Variants in GNAI1 observed in about 807,000 individuals in gnomAD.
GNAI1 encodes guanine nucleotide-binding protein G(i) subunit alpha-1.
Under a neutral mutation model 38.9 loss-of-function variants are expected in GNAI1, and 11 were observed. The observed-to-expected ratio is 0.28, with a 90% CI of 0.18 to 0.47. GNAI1 has a LOEUF of 0.47. GNAI1 is among the 20% of genes least tolerant of loss of function. GNAI1 has a pLI of 0.99. For missense variants in GNAI1, 317 were observed against 436.9 expected (o/e 0.73, Z 2.45); for synonymous variants, 166 against 145.1 (o/e 1.14, Z -1.04).
At chr7:80,159,213 G>A (rs985525103) in intron 1 of GNAI1, among the ~76,000 whole-genome samples, 1 of 152,078 alleles carries the variant, frequency 6.6e-6, no homozygotes, top group East Asian at 1.9e-4. Flanking sequence ...TTTTTGGGGG[G>A]GCTTACTTGT....
intron 1 of GNAI1, among the ~76,000 whole-genome samples, chr7:80,156,164 A>G (rs1787815491): frequency 6.6e-6 from 1 of 151,952 alleles, no homozygotes; most frequent in Admixed American, 6.6e-5. Flanking sequence ...TAGTTTTCTG[A>G]GGCTGTGGTA....
chr7:80,156,773 CTAATTCTA>C (rs1219305087), intron 1 of GNAI1, among the ~76,000 whole-genome samples: 1 of 152,074 alleles, frequency 6.6e-6, no homozygotes, highest in Non-Finnish European at 1.5e-5. Context: ...TCATTGCTTT[CTAATTCTA>C]TAATTTTTTG....
At chr7:80,136,805 T>C (rs1787424307) in intron 1 of GNAI1, among the ~76,000 whole-genome samples, 1 of 152,212 alleles carries the variant, frequency 6.6e-6, no homozygotes, top group Admixed American at 6.5e-5. Flanking sequence ...CCATCCACCA[T>C]GTTTAAAGCA....
chr7:80,198,360 A>G (rs1788617785), intron 3 of GNAI1, among the ~76,000 whole-genome samples: 1 of 152,128 alleles, frequency 6.6e-6, no homozygotes, highest in African/African-American at 2.4e-5. Flanking sequence ...CTTTTAAAAA[A>G]TGTAGCTATT....
intron 1 of GNAI1, 186 bp downstream of exon 1, chr7:80,135,464 GC>G: frequency 2.4e-6 from 1 of 420,278 alleles, no homozygotes; most frequent in Non-Finnish European, 4.1e-6. Flanking sequence ...GTCTCTCTCC[GC>G]CCCGGCGGGC....
At chr7:80,184,085 G>C (rs1056923215) in intron 1 of GNAI1, among the ~76,000 whole-genome samples, 15 of 152,214 alleles carry the variant, frequency 9.9e-5, no homozygotes, top group Non-Finnish European at 1.3e-4. Context: ...GTGGGCGGAG[G>C]GGGAGGACTC....
chr7:80,184,849 A>ACAT (rs999143744), intron 1 of GNAI1, among the ~76,000 whole-genome samples: 2 of 152,202 alleles, frequency 1.3e-5, no homozygotes. Context: ...ACCATTGCAC[A>ACAT]CATATTCTCA....
At chr7:80,162,234 T>G (rs568002338) in intron 1 of GNAI1, among the ~76,000 whole-genome samples, 3 of 152,260 alleles carry the variant, frequency 2.0e-5, no homozygotes, top group African/African-American at 7.2e-5. Flanking sequence ...ATCTGAGACT[T>G]CTAGTTTCCA....
At chr7:80,155,223 G>A (rs1787797430) in intron 1 of GNAI1, among the ~76,000 whole-genome samples, 2 of 152,116 alleles carry the variant, frequency 1.3e-5, no homozygotes, top group South Asian at 4.1e-4. Context: ...CATGAAGGAA[G>A]ACAGAATATT....
Position 80,224,832 on chromosome 7 carries a change from A to G in GNAI1, c.*7339A>G, listed in dbSNP as rs1190720793. 6.6e-6 allele frequency among the ~76,000 whole-genome samples: 1 copy of G among 152,200 alleles called. No individual in the cohort carries two copies. The highest frequency in any genetic ancestry group is 1.5e-5 in the Non-Finnish European group (1 of 68,030). ...CACAGAATTTAAAAATTACATGTTGAACTGATTTGTGATATATTGGGTTAT... is the reference window on the plus strand; with the variant it reads ...CACAGAATTTAAAAATTACATGTTGGACTGATTTGTGATATATTGGGTTAT... On this transcript the variant is annotated 3_prime_UTR_variant, in exon 8 of 8. Coordinates refer to ENST00000649796, the MANE Select transcript of GNAI1 (RefSeq NM_002069.6).
chr7:80,176,894 G>A (rs549085072), intron 1 of GNAI1, among the ~76,000 whole-genome samples: 5 of 134,474 alleles, frequency 3.7e-5, no homozygotes, highest in South Asian at 4.9e-4. Flanking sequence ...CTGAGATCAC[G>A]CCACCGCACT....
intron 1 of GNAI1, among the ~76,000 whole-genome samples, chr7:80,164,301 A>C (rs1317646441): frequency 6.7e-6 from 1 of 150,090 alleles, no homozygotes; most frequent in East Asian, 2.0e-4. Context: ...TCGGCCTCCC[A>C]AAGTGCTGGG....
intron 1 of GNAI1, among the ~76,000 whole-genome samples, chr7:80,154,548 G>C (rs1023315088): frequency 2.0e-5 from 3 of 152,186 alleles, no homozygotes; most frequent in Non-Finnish European, 2.9e-5. Flanking sequence ...AAGTTATCTG[G>C]GGCTTCAGTT....
chr7:80,185,496 C>T (rs1243642974), intron 1 of GNAI1, among the ~76,000 whole-genome samples: 1 of 152,136 alleles, frequency 6.6e-6, no homozygotes, highest in East Asian at 1.9e-4. Context: ...TTTCCCTGTC[C>T]TATGGCTTTA....
intron 7 of GNAI1, among the ~76,000 whole-genome samples, chr7:80,214,175 G>A (rs1359360316): frequency 3.9e-5 from 6 of 152,014 alleles, no homozygotes; most frequent in East Asian, 1.9e-4. Flanking sequence ...TTTTGTGTAC[G>A]GTGAAATTAC....
intron 1 of GNAI1, among the ~76,000 whole-genome samples, chr7:80,154,706 G>T (rs1468244201): frequency 6.6e-6 from 1 of 152,126 alleles, no homozygotes; most frequent in Non-Finnish European, 1.5e-5. Flanking sequence ...AGGAAATGAT[G>T]TGCACATTGT....
In GNAI1 at chr7:80,217,897, T is replaced by TA. The variant is rs1279377594; in HGVS notation, c.*405dup. 2 of 153,012 alleles carry TA rather than the reference T, an allele frequency of 1.3e-5. No individual in the cohort carries two copies. The highest frequency in any genetic ancestry group is 2.9e-5 in the Non-Finnish European group (2 of 68,288). The allele number at this position is 153,012 out of a possible 1,614,324, so 9.5% of individuals were successfully genotyped here. On this transcript the variant is annotated 3_prime_UTR_variant, in exon 8 of 8. Coordinates refer to ENST00000649796, the MANE Select transcript of GNAI1 (RefSeq NM_002069.6). The stretch of plus-strand genomic sequence containing the variant: ...TACCTTGTACTGAATGACAGACTAT[T>TA]ACTACGTTTGCCAGTTTTAAACAGC...
Position 80,193,458 on chromosome 7 carries a change from A to G in GNAI1, c.303+4227A>G, listed in dbSNP as rs77630329. On this transcript the variant is annotated intron_variant, in intron 3 of 7. Transcript: ENST00000649796. ...TTTTCAAGGCTTGCATAGAGCAGTC[A>G]CATTTTATGCCTAATATCATTTCAC... 2.0e-3 allele frequency among the ~76,000 whole-genome samples: 306 copies of G among 152,340 alleles called. 9 individuals are homozygous for G. In the East Asian group the frequency reaches 0.049, roughly 24 times the overall value.
chr7:80,210,729 CTTT>C (rs11347260), intron 5 of GNAI1, among the ~76,000 whole-genome samples: 67 of 129,422 alleles, frequency 5.2e-4, no homozygotes, highest in South Asian at 7.5e-4. Flanking sequence ...TTTGTTTTTG[CTTT>C]TTTTTTTTTT....
Sources: gnomAD v4.1 joint callset for allele counts (sites outside exome capture counted in the v4.1 genomes callset) on GRCh38, gnomAD v4.1.1 for gene constraint, MANE v1.5 for transcripts, NCBI Gene and HGNC (gene_info 2026-07-23, HGNC 2026-07-21) for gene names.